TBXAS1: variants seen among roughly 807,000 people sequenced by gnomAD.
TBXAS1 encodes thromboxane A synthase 1, also known as thromboxane-A synthase.
TBXAS1 carries 48 observed loss-of-function variants against 60.7 expected under a neutral mutation model. That is an observed-to-expected ratio of 0.79 (90% confidence interval 0.63 to 1.01). TBXAS1 has a LOEUF of 1.01. Among genes scored for constraint, TBXAS1 ranks in the 50% least tolerant of loss-of-function variants. TBXAS1 has a pLI of 0.00. For synonymous variants in TBXAS1, 287 were observed against 269.7 expected (o/e 1.06, Z -0.63); for missense variants, 685 against 686.3 (o/e 1.00, Z 0.02).
intron 9 of TBXAS1, among the ~76,000 whole-genome samples, chr7:139,990,834 C>G (rs1239118536): frequency 6.6e-6 from 1 of 152,170 alleles, no homozygotes; most frequent in Admixed American, 6.5e-5. Context: ...CAGGACTTCC[C>G]TCCTGTGGCA....
intron 1 of TBXAS1, among the ~76,000 whole-genome samples, chr7:139,868,340 A>G (rs1044488528): frequency 3.3e-5 from 5 of 152,196 alleles, no homozygotes; most frequent in African/African-American, 1.2e-4. Flanking sequence ...AGTTACAGCA[A>G]GATATTTAAA....
At chr7:139,870,611 C>T (rs891339796) in intron 1 of TBXAS1, among the ~76,000 whole-genome samples, 12 of 152,206 alleles carry the variant, frequency 7.9e-5, no homozygotes, top group Non-Finnish European at 1.2e-4. Context: ...TAATCCTTGG[C>T]GTTCACGTGT....
intron 2 of TBXAS1, among the ~76,000 whole-genome samples, chr7:139,781,086 A>C (rs1352484098): frequency 1.3e-5 from 2 of 152,234 alleles, no homozygotes; most frequent in African/African-American, 4.8e-5. Flanking sequence ...GAAGGGGAAC[A>C]AGATGGAGCC....
At chr7:139,800,641 T>C (rs1797697911) in intron 4 of TBXAS1, among the ~76,000 whole-genome samples, 1 of 152,256 alleles carries the variant, frequency 6.6e-6, no homozygotes, top group Non-Finnish European at 1.5e-5. Flanking sequence ...TTTGTCTTGT[T>C]AACCATCGTT....
upstream of TBXAS1, among the ~76,000 whole-genome samples, chr7:139,827,422 T>C (rs1416353399): frequency 6.6e-6 from 1 of 152,258 alleles, no homozygotes; most frequent in Non-Finnish European, 1.5e-5. Flanking sequence ...TCTGCAGTTC[T>C]GTATCTTTTA....
intron 4 of TBXAS1, among the ~76,000 whole-genome samples, chr7:139,912,199 G>A (rs559165871): frequency 3.3e-4 from 50 of 152,178 alleles, no homozygotes; most frequent in Non-Finnish European, 5.7e-4. Context: ...AGTGAGCTGA[G>A]ATCGCGCCAC....
At chr7:139,910,310 G>A (rs950742183) in intron 3 of TBXAS1, among the ~76,000 whole-genome samples, 3 of 152,124 alleles carry the variant, frequency 2.0e-5, no homozygotes, top group African/African-American at 4.8e-5. Context: ...GACTGACTGA[G>A]CCTTTCATCC....
chr7:139,902,028 T>A (rs1804617791), intron 3 of TBXAS1, among the ~76,000 whole-genome samples: 1 of 151,858 alleles, frequency 6.6e-6, no homozygotes, highest in Non-Finnish European at 1.5e-5. Flanking sequence ...CTTCCCCCAA[T>A]GGTAACCTCT....
chr7:139,894,396 T>C (rs1456445346), intron 3 of TBXAS1, among the ~76,000 whole-genome samples: 1 of 152,020 alleles, frequency 6.6e-6, no homozygotes, highest in Non-Finnish European at 1.5e-5. Context: ...TTCTCTGGCC[T>C]CCCTCAGGCT....
chr7:139,825,886 C>T (rs1798423564), upstream of TBXAS1, among the ~76,000 whole-genome samples: 1 of 152,210 alleles, frequency 6.6e-6, no homozygotes, highest in Non-Finnish European at 1.5e-5. Flanking sequence ...AAATGCAGCT[C>T]TCTGCATCGT....
chr7:139,800,887 C>T (rs1797706793), intron 4 of TBXAS1, among the ~76,000 whole-genome samples: 1 of 152,162 alleles, frequency 6.6e-6, no homozygotes, highest in Non-Finnish European at 1.5e-5. Context: ...ACTCATTCAA[C>T]TCCATCCAAA....
rs202145405 is a variant in TBXAS1 at position 140,020,093 on chromosome 7, C to T, written c.1596C>T (p.Ser532=). The change falls in exon 13 of 13, where the codon TCC becomes TCT. Residue 532 remains serine, a synonymous_variant. Transcript: ENST00000448866. ...ATGGTGTCTATATCAAGATCGTATC[C>T]CGCTGACACAGAAGGCTGCCGGGTG... is the stretch of plus-strand genomic sequence containing the variant. ...PKNGVYIKIV[S]R 30 of 1,613,708 alleles carry T rather than the reference C, an allele frequency of 1.9e-5. No individual in the cohort carries two copies. The Admixed American group carries it at 4.3e-4, about 23-fold the overall frequency.
At chr7:139,980,370 A>C (rs751467412) in intron 9 of TBXAS1, among the ~76,000 whole-genome samples, 1 of 152,142 alleles carries the variant, frequency 6.6e-6, no homozygotes, top group Non-Finnish European at 1.5e-5. Context: ...AATGCGAATC[A>C]TCTGAAATGA....
intron 3 of TBXAS1, among the ~76,000 whole-genome samples, chr7:139,891,761 A>G (rs1315262083): frequency 6.6e-6 from 1 of 152,214 alleles, no homozygotes; most frequent in Non-Finnish European, 1.5e-5. Flanking sequence ...CAGAAGAATC[A>G]TCTCTAAGTA....
chr7:139,909,970 G>C (rs1420654532), intron 3 of TBXAS1, among the ~76,000 whole-genome samples: 3 of 152,144 alleles, frequency 2.0e-5, no homozygotes, highest in African/African-American at 7.2e-5. Flanking sequence ...GATTCCTCCA[G>C]CCAGCAGACC....
intron 3 of TBXAS1, chr7:139,875,911 C>G (rs1332203330): frequency 2.0e-6 from 1 of 504,948 alleles, no homozygotes; most frequent in African/African-American, 1.9e-5. Flanking sequence ...ACAGCATCAT[C>G]TCCCGTTGCT....
At chr7:139,875,836 C>T (rs1052773750) in intron 3 of TBXAS1, 199 bp downstream of exon 3, 13 of 658,786 alleles carry the variant, frequency 2.0e-5, no homozygotes, top group South Asian at 7.5e-5. Context: ...GGGTTGCCCA[C>T]GGGGGGACTC....
chr7:140,017,982 T>A (rs901120006), intron 12 of TBXAS1, 149 bp downstream of exon 12: 1 of 1,034,246 alleles, frequency 9.7e-7, no homozygotes, highest in African/African-American at 1.6e-5. Flanking sequence ...CGGCCTCAGT[T>A]TCTTGATTCG....
chr7:139,950,344 G>A (rs902235457), intron 5 of TBXAS1, among the ~76,000 whole-genome samples: 6 of 152,018 alleles, frequency 3.9e-5, no homozygotes, highest in African/African-American at 1.2e-4. Context: ...CCAGGTAATG[G>A]GATTTTAATG....
Sources: gnomAD v4.1 joint callset for allele counts (sites outside exome capture counted in the v4.1 genomes callset) on GRCh38, gnomAD v4.1.1 for gene constraint, MANE v1.5 for transcripts, NCBI Gene and HGNC (gene_info 2026-07-23, HGNC 2026-07-21) for gene names.